Variants in PRMT3 observed in about 807,000 individuals in gnomAD.
PRMT3 encodes protein arginine N-methyltransferase 3.
In PRMT3, 62 loss-of-function variants were observed where a neutral mutation model predicts 71.9. That is an observed-to-expected ratio of 0.86 (90% CI 0.70 to 1.07). PRMT3 has a LOEUF of 1.07. PRMT3 is among the 50% of genes least tolerant of loss of function. PRMT3 has a pLI of 0.00. For synonymous variants in PRMT3, 213 were observed against 220.4 expected, an observed-to-expected ratio of 0.97 and a Z score of 0.30; for missense variants, 663 against 643.0, an observed-to-expected ratio of 1.03 and a Z score of -0.34.
intron 10 of PRMT3, among the ~76,000 whole-genome samples, chr11:20,443,127 T>C (rs1849947018): frequency 1.3e-5 from 2 of 152,066 alleles, no homozygotes. Flanking sequence ...TACCAAAGAG[T>C]GTGTTGAAGG....
At chr11:20,431,255 G>A (rs988821331) in intron 10 of PRMT3, among the ~76,000 whole-genome samples, 1 of 152,080 alleles carries the variant, frequency 6.6e-6, no homozygotes, top group Non-Finnish European at 1.5e-5. Flanking sequence ...ATATGACAGG[G>A]TTAAGAATGT....
chr11:20,503,557 A>G (rs1452763605), intron 15 of PRMT3, among the ~76,000 whole-genome samples: 3 of 152,048 alleles, frequency 2.0e-5, no homozygotes, highest in Non-Finnish European at 2.9e-5. Context: ...ATGCTTTGTC[A>G]TTATATGTTA....
At chr11:20,392,784 G>C in intron 4 of PRMT3, 113 bp from the exon 5 acceptor site, 1 of 699,466 alleles carries the variant, frequency 1.4e-6, no homozygotes, top group Non-Finnish European at 2.4e-6. Context: ...GAGACATACT[G>C]ACTTTGTGTA....
intron 13 of PRMT3, among the ~76,000 whole-genome samples, chr11:20,491,897 C>T (rs1851216849): frequency 6.6e-6 from 1 of 152,174 alleles, no homozygotes; most frequent in Admixed American, 6.5e-5. Flanking sequence ...ATGTTCCATG[C>T]TTTTCAGAGT....
chr11:20,408,951 G>A (rs896367733), intron 9 of PRMT3, among the ~76,000 whole-genome samples: 33 of 152,184 alleles, frequency 2.2e-4, no homozygotes, highest in Middle Eastern at 3.4e-3. Flanking sequence ...TTTAAAATTA[G>A]CCAGGCATGG....
At chr11:20,435,336 G>A (rs1158325057) in intron 10 of PRMT3, among the ~76,000 whole-genome samples, 1 of 152,078 alleles carries the variant, frequency 6.6e-6, no homozygotes, top group Non-Finnish European at 1.5e-5. Flanking sequence ...TGAGGAGCTG[G>A]GACTACAGGT....
At chr11:20,478,834 A>G (rs1017798879) in intron 13 of PRMT3, among the ~76,000 whole-genome samples, 2 of 152,222 alleles carry the variant, frequency 1.3e-5, no homozygotes, top group African/African-American at 4.8e-5. Context: ...GCTTCTGGAA[A>G]ATCTCTGACA....
At chr11:20,409,203 A>C (rs575221886) in intron 9 of PRMT3, among the ~76,000 whole-genome samples, 76 of 152,304 alleles carry the variant, frequency 5.0e-4, no homozygotes, top group Non-Finnish European at 8.4e-4. Context: ...TTATTTTATA[A>C]CTAGAAGGAT....
chr11:20,448,356 A>G (rs887510482), intron 10 of PRMT3, among the ~76,000 whole-genome samples: 8 of 152,168 alleles, frequency 5.3e-5, no homozygotes, highest in African/African-American at 1.7e-4. Flanking sequence ...AATTCTGTCT[A>G]CAGTGAATGT....
chr11:20,501,363 A>G (rs934707541), intron 15 of PRMT3, among the ~76,000 whole-genome samples: 5 of 151,928 alleles, frequency 3.3e-5, no homozygotes, highest in South Asian at 2.1e-4. Flanking sequence ...TTGAAATCCA[A>G]TTTTCTCCAT....
intron 15 of PRMT3, 144 bp downstream of exon 15, chr11:20,494,398 A>G (rs1051230261): frequency 4.2e-6 from 3 of 716,546 alleles, no homozygotes; most frequent in African/African-American, 3.6e-5. Context: ...GAGAACAGTG[A>G]TCTCGGCTCA....
intron 13 of PRMT3, among the ~76,000 whole-genome samples, chr11:20,489,520 A>G (rs1851158233): frequency 6.6e-6 from 1 of 152,190 alleles, no homozygotes; most frequent in South Asian, 2.1e-4. Flanking sequence ...TTCCACAGAG[A>G]TAATGTATAT....
intron 15 of PRMT3, among the ~76,000 whole-genome samples, chr11:20,507,893 G>A (rs2133714264): frequency 6.6e-6 from 1 of 152,152 alleles, no homozygotes; most frequent in East Asian, 1.9e-4. Context: ...GATCACCTGA[G>A]GTCAGGAGTT....
At chr11:20,488,222 T>A (rs1851123878) in intron 13 of PRMT3, among the ~76,000 whole-genome samples, 1 of 152,202 alleles carries the variant, frequency 6.6e-6, no homozygotes, top group Non-Finnish European at 1.5e-5. Context: ...ATTTTCATAT[T>A]TGTTGATTAT....
At chr11:20,498,460 T>G (rs1851382479) in intron 15 of PRMT3, among the ~76,000 whole-genome samples, 1 of 152,156 alleles carries the variant, frequency 6.6e-6, no homozygotes, top group South Asian at 2.1e-4. Flanking sequence ...CGGGCGTGAT[T>G]GCTCATGCCT....
At chr11:20,395,709 T>C (rs1848809531) in intron 5 of PRMT3, 94 bp from the exon 6 acceptor site, 1 of 1,204,126 alleles carries the variant, frequency 8.3e-7, no homozygotes. Flanking sequence ...ATTGGCCACA[T>C]AGTAGAAACT....
At chr11:20,402,138 G>A (rs1309919814) in intron 7 of PRMT3, among the ~76,000 whole-genome samples, 1 of 151,040 alleles carries the variant, frequency 6.6e-6, no homozygotes, top group Non-Finnish European at 1.5e-5. Flanking sequence ...TGTTTTTTGA[G>A]ACGGAATTTG....
intron 13 of PRMT3, among the ~76,000 whole-genome samples, chr11:20,466,720 AAG>A (rs1401074164): frequency 6.6e-6 from 1 of 152,188 alleles, no homozygotes; most frequent in Non-Finnish European, 1.5e-5. Context: ...GTATACTTAA[AAG>A]AGTAAAAAGA....
chr11:20,497,425 G>A (rs1407857154), intron 15 of PRMT3, among the ~76,000 whole-genome samples: 1 of 152,192 alleles, frequency 6.6e-6, no homozygotes, highest in Non-Finnish European at 1.5e-5. Context: ...CCCTAAGAGA[G>A]TACAAGCTGA....
Sources: allele counts gnomAD v4.1 joint callset (sites outside exome capture counted in the v4.1 genomes callset), GRCh38; gene constraint gnomAD v4.1.1; transcripts MANE v1.5; gene names NCBI Gene and HGNC (gene_info 2026-07-23, HGNC 2026-07-21).